The following RALGPS2 variants were observed in gnomAD, a reference collection of about 807,000 sequenced individuals.
RALGPS2 encodes ras-specific guanine nucleotide-releasing factor RalGPS2.
RALGPS2 carries 43 observed loss-of-function variants against 86.8 expected under a neutral mutation model. The observed-to-expected ratio is 0.50, with a 90% CI of 0.39 to 0.64. The LOEUF (loss-of-function observed/expected upper bound fraction) is 0.64, where lower values mean the gene tolerates loss of function less well. Ranked by LOEUF, RALGPS2 falls within the 30% of genes least tolerant of loss-of-function variation. The pLI, the probability that RALGPS2 is intolerant of heterozygous loss-of-function variation, is 0.00. For synonymous variants in RALGPS2, 243 were observed against 231.3 expected, an observed-to-expected ratio of 1.05 and a Z score of -0.46; for missense variants, 536 against 694.6, an observed-to-expected ratio of 0.77 and a Z score of 2.57.
rs1225925024 is a variant in RALGPS2 at position 178,839,599 on chromosome 1, A to G, written c.607+6049A>G. On this transcript the variant is annotated intron_variant, in intron 8 of 19. Transcript: ENST00000367635. ...ACCATTGATGCTAGGAAGAAACTGC[A>G]TCAACTAATGAGCAAAATAACCAGC... Among the ~76,000 whole-genome samples, 3 of 152,166 alleles carry G rather than the reference A, an allele frequency of 2.0e-5. No individual in the cohort carries two copies. The East Asian group carries it at 5.8e-4, about 29-fold the overall frequency.
At chr1:178,764,757 T>C (rs746185684) in intron 1 of RALGPS2, among the ~76,000 whole-genome samples, 6 of 152,134 alleles carry the variant, frequency 3.9e-5, no homozygotes, top group Admixed American at 3.3e-4. Flanking sequence ...GGTTGGAAAG[T>C]TTTTTCTTTA....
At chr1:178,845,301 C>T (rs1656817191) in intron 8 of RALGPS2, among the ~76,000 whole-genome samples, 1 of 151,976 alleles carries the variant, frequency 6.6e-6, no homozygotes, top group South Asian at 2.1e-4. Context: ...AGACTTCTTC[C>T]CCTTCCCCAT....
intron 7 of RALGPS2, among the ~76,000 whole-genome samples, chr1:178,828,911 A>G (rs1558137966): frequency 6.6e-6 from 1 of 152,206 alleles, no homozygotes; most frequent in Non-Finnish European, 1.5e-5. Flanking sequence ...CAGCAATCCC[A>G]TTTCTGAGTA....
chr1:178,867,633 G>T (rs1186777701), intron 8 of RALGPS2, among the ~76,000 whole-genome samples: 1 of 151,892 alleles, frequency 6.6e-6, no homozygotes, highest in Non-Finnish European at 1.5e-5. Flanking sequence ...CCTGGTTTAT[G>T]TCCCTTTTCA....
At chr1:178,812,372 G>A (rs1655025441) in intron 6 of RALGPS2, among the ~76,000 whole-genome samples, 1 of 152,184 alleles carries the variant, frequency 6.6e-6, no homozygotes, top group Admixed American at 6.5e-5. Flanking sequence ...AAGTATCTCA[G>A]ATAATCTCAG....
At chr1:178,902,465 G>T (rs1660219065) in intron 18 of RALGPS2, among the ~76,000 whole-genome samples, 2 of 151,974 alleles carry the variant, frequency 1.3e-5, no homozygotes, top group Admixed American at 6.6e-5. Flanking sequence ...TGCTCCATGG[G>T]CATATATGCT....
intron 8 of RALGPS2, among the ~76,000 whole-genome samples, chr1:178,861,017 T>C (rs1192271463): frequency 6.6e-6 from 1 of 152,186 alleles, no homozygotes; most frequent in Non-Finnish European, 1.5e-5. Flanking sequence ...CATCACAGAA[T>C]ATTAGAATTT....
chr1:178,781,272 T>A (rs1056679295), intron 2 of RALGPS2, among the ~76,000 whole-genome samples: 1 of 152,152 alleles, frequency 6.6e-6, no homozygotes, highest in African/African-American at 2.4e-5. Context: ...AAATTAAAAA[T>A]CTGTATTTTC....
At chr1:178,762,480 T>G (rs1652294586) in intron 1 of RALGPS2, among the ~76,000 whole-genome samples, 1 of 152,216 alleles carries the variant, frequency 6.6e-6, no homozygotes, top group African/African-American at 2.4e-5. Context: ...CAGCAGCGCA[T>G]AAACATTTCC....
At chr1:178,746,932 T>C in intron 1 of RALGPS2, 1 of 1,063,844 alleles carries the variant, frequency 9.4e-7, no homozygotes, top group African/African-American at 1.5e-5. Flanking sequence ...TTATTTTGTT[T>C]GGTGAATGAT....
At chr1:178,836,430 A>G (rs1287286649) in intron 8 of RALGPS2, among the ~76,000 whole-genome samples, 2 of 152,132 alleles carry the variant, frequency 1.3e-5, no homozygotes, top group Non-Finnish European at 2.9e-5. Flanking sequence ...GTAGGATCTT[A>G]CGTTTCACTC....
chr1:178,884,797 G>A (rs1558170346), intron 11 of RALGPS2, among the ~76,000 whole-genome samples: 1 of 152,200 alleles, frequency 6.6e-6, no homozygotes, highest in South Asian at 2.1e-4. Flanking sequence ...GATTTTGTCT[G>A]TGATGTGAAA....
intron 8 of RALGPS2, chr1:178,865,065 C>T (rs868159800): frequency 2.0e-6 from 3 of 1,516,744 alleles, no homozygotes; most frequent in East Asian, 2.3e-5. Context: ...CTCTGAATCT[C>T]GTTACCTCCC....
At chr1:178,739,868 G>T (rs761988552) in intron 1 of RALGPS2, among the ~76,000 whole-genome samples, 1 of 152,174 alleles carries the variant, frequency 6.6e-6, no homozygotes, top group Non-Finnish European at 1.5e-5. Flanking sequence ...AGCTGAACTG[G>T]CTGTAGGAAT....
chr1:178,770,743 T>C (rs1325392660), intron 1 of RALGPS2, among the ~76,000 whole-genome samples: 1 of 150,136 alleles, frequency 6.7e-6, no homozygotes, highest in African/African-American at 2.4e-5. Context: ...TCCCAAAGTG[T>C]TGGAATTACA....
Position 178,852,655 on chromosome 1 carries a change from A to G in RALGPS2, c.607+19105A>G, listed in dbSNP as rs372465278. 6 of 1,591,964 alleles carry G rather than the reference A, an allele frequency of 3.8e-6. No homozygotes were observed. In the African/African-American group the frequency reaches 6.8e-5, roughly 18 times the overall value. ...TTAATGCATAGAAGGTGATGATTCTACAAAGAATGAAAGTTTTTCATACTT... is the reference window on the plus strand; with the variant it reads ...TTAATGCATAGAAGGTGATGATTCTGCAAAGAATGAAAGTTTTTCATACTT... On this transcript the variant is annotated intron_variant, in intron 8 of 19. Transcript: ENST00000367635.
chr1:178,843,546 T>G (rs1163907696), intron 8 of RALGPS2, among the ~76,000 whole-genome samples: 1 of 148,508 alleles, frequency 6.7e-6, no homozygotes, highest in Non-Finnish European at 1.5e-5. Flanking sequence ...GAGATATACC[T>G]AATGCTAGAT....
In RALGPS2 at chr1:178,905,220, C is replaced by T. The variant is rs1287805506; in HGVS notation, c.1631-1556C>T. On this transcript the variant is annotated intron_variant, in intron 18 of 19. Coordinates refer to ENST00000367635, the MANE Select transcript of RALGPS2 (RefSeq NM_152663.5). Reference sequence around the variant, plus strand: ...TTGAATTCAAAGCCCCAGCCTCCTTCCCATATCAAAGGCATAATTCACGAA... The same window carrying T: ...TTGAATTCAAAGCCCCAGCCTCCTTTCCATATCAAAGGCATAATTCACGAA... 1.3e-5 allele frequency among the ~76,000 whole-genome samples: 2 copies of T among 152,134 alleles called. 1 individual carries two copies. Among genetic ancestry groups the T allele is most frequent in the Non-Finnish European group, 2.9e-5 (2 of 68,020 alleles).
intron 16 of RALGPS2, among the ~76,000 whole-genome samples, chr1:178,896,876 A>G (rs113959638): frequency 0.035 from 5,208 of 146,798 alleles, 217 homozygotes; most frequent in African/African-American, 0.13. Context: ...GGACATTTGG[A>G]TTGGTTCCAA....
Sources: gnomAD v4.1 joint callset for allele counts (sites outside exome capture counted in the v4.1 genomes callset) on GRCh38, gnomAD v4.1.1 for gene constraint, MANE v1.5 for transcripts, NCBI Gene and HGNC (gene_info 2026-07-23, HGNC 2026-07-21) for gene names.